PTPRT: variants seen among roughly 807,000 people sequenced by gnomAD.
The protein encoded by PTPRT is receptor-type tyrosine-protein phosphatase T.
A neutral mutation model predicts 176.8 loss-of-function variants in PTPRT; 56 were observed. The observed-to-expected ratio is 0.32, with a 90% CI of 0.26 to 0.40. PTPRT has a LOEUF of 0.40. Ranked by LOEUF, PTPRT falls within the 10% of genes least tolerant of loss-of-function variation. PTPRT has a pLI of 1.00. For missense variants in PTPRT, 1,540 were observed against 1,908.2 expected, an observed-to-expected ratio of 0.81 and a Z score of 3.60; for synonymous variants, 783 against 739.0, an observed-to-expected ratio of 1.06 and a Z score of -0.96.
At chr20:42,813,098 TTTGTA>T (rs2077724764) in intron 2 of PTPRT, among the ~76,000 whole-genome samples, 1 of 152,202 alleles carries the variant, frequency 6.6e-6, no homozygotes, top group Non-Finnish European at 1.5e-5. Context: ...CTATTTTGTT[TTTGTA>T]TTGTTTCACT....
At position 42,104,735 on chromosome 20, in the gene PTPRT, G is replaced by C. The variant is rs536644840; in HGVS notation, c.3391-17C>G. 1.3e-5 allele frequency: 20 copies of C among 1,555,108 alleles called. No homozygotes were observed. Among genetic ancestry groups the C allele is most frequent in the Non-Finnish European group, 1.8e-5 (20 of 1,126,620 alleles). ...ATATTGCTCCTGCAAAGTCAGAAGA[G>C]AGGGAATGGGGTGCCAGGTAAGAAC... On this transcript the variant is annotated splice_polypyrimidine_tract_variant and intron_variant, in intron 24 of 30. Coordinates refer to ENST00000373187, the MANE Select transcript of PTPRT (RefSeq NM_007050.6).
intron 2 of PTPRT, among the ~76,000 whole-genome samples, chr20:42,831,343 G>A (rs1225007361): frequency 6.6e-6 from 1 of 152,032 alleles, no homozygotes; most frequent in African/African-American, 2.4e-5. Context: ...GATTGAAACT[G>A]GACCATTTCC....
intron 6 of PTPRT, among the ~76,000 whole-genome samples, chr20:42,705,623 G>A (rs2076042296): frequency 6.6e-6 from 1 of 152,120 alleles, no homozygotes; most frequent in African/African-American, 2.4e-5. Flanking sequence ...CTGTGAAAGT[G>A]CAGCTTTGGT....
rs1428138500 is a variant in PTPRT at position 42,547,408 on chromosome 20, A to AT, written c.1154-74847_1154-74846insA. Among the ~76,000 whole-genome samples, 11 of 151,550 alleles carry AT rather than the reference A, an allele frequency of 7.3e-5. No individual in the cohort carries two copies. The East Asian group carries it at 7.8e-4, about 11-fold the overall frequency. On this transcript the variant is annotated intron_variant, in intron 7 of 30. Coordinates refer to ENST00000373187, the MANE Select transcript of PTPRT (RefSeq NM_007050.6). Reference sequence around the variant, plus strand: ...TAGAAACACTGTAAAATGAAAAAAAAATATATTATTTAGAGACTTTATAGT... The same window carrying AT: ...TAGAAACACTGTAAAATGAAAAAAAATATATATTATTTAGAGACTTTATAGT...
intron 1 of PTPRT, among the ~76,000 whole-genome samples, chr20:42,889,392 T>TA (rs947783227): frequency 6.6e-6 from 1 of 152,236 alleles, no homozygotes; most frequent in Non-Finnish European, 1.5e-5. Flanking sequence ...AGAACTCACT[T>TA]AGAGTGAATT....
chr20:42,322,903 A>G (rs1306524214), intron 11 of PTPRT, among the ~76,000 whole-genome samples: 1 of 152,090 alleles, frequency 6.6e-6, no homozygotes, highest in East Asian at 1.9e-4. Context: ...GAACTCAAAC[A>G]AATTTACAAG....
chr20:42,289,902 C>G (rs1191641795), intron 12 of PTPRT, among the ~76,000 whole-genome samples: 1 of 152,006 alleles, frequency 6.6e-6, no homozygotes, highest in South Asian at 2.1e-4. Flanking sequence ...GATGCCAAAA[C>G]GTTTGTTTTC....
At chr20:42,444,029 C>T (rs2059341580) in intron 9 of PTPRT, among the ~76,000 whole-genome samples, 1 of 152,094 alleles carries the variant, frequency 6.6e-6, no homozygotes. Context: ...GTGTAGAACC[C>T]TCCTAGGGCT....
rs371094288 is a variant in PTPRT at position 42,204,418 on chromosome 20, G to A, written c.2343-5030C>T. Among the ~76,000 whole-genome samples the A allele has an allele frequency of 1.1e-4, 17 of 152,218 alleles. 1 individual carries two copies. The highest frequency in any genetic ancestry group is 7.2e-4 in the Admixed American group (11 of 15,298). ...CTTTCTGAACTGAGGATTTTTTTCT[G>A]TAGTTGCTTTGAGATTTTTGCCAAC... On this transcript the variant is annotated intron_variant, in intron 15 of 30. Transcript: ENST00000373187.
intron 17 of PTPRT, among the ~76,000 whole-genome samples, chr20:42,152,019 G>C (rs1989156107): frequency 6.6e-6 from 1 of 152,218 alleles, no homozygotes; most frequent in African/African-American, 2.4e-5. Context: ...TCGATGGTCA[G>C]CTTGTGGGTG....
intron 7 of PTPRT, among the ~76,000 whole-genome samples, chr20:42,590,934 G>A (rs1299418033): frequency 6.6e-5 from 7 of 106,870 alleles, no homozygotes; most frequent in Admixed American, 2.5e-4. Context: ...TAGCGTGTGT[G>A]TGTGTGTGTG....
chr20:43,094,391 C>CTTTTT (rs71335878), intron 1 of PTPRT, among the ~76,000 whole-genome samples: 97 of 64,626 alleles, frequency 1.5e-3, no homozygotes, highest in African/African-American at 2.6e-3. Context: ...CGGCCTCTTT[C>CTTTTT]TTTTTTTTTT....
At chr20:42,033,108 A>G in the PTPRT span, among the ~76,000 whole-genome samples, 115 of 152,316 alleles carry the variant, frequency 7.6e-4, no homozygotes, top group Non-Finnish European at 1.3e-3. Context: ...ATAAGTGAAC[A>G]ACTATCAGAT....
intron 1 of PTPRT, among the ~76,000 whole-genome samples, chr20:43,079,193 CCT>C (rs2011369906): frequency 7.2e-6 from 1 of 138,542 alleles, no homozygotes; most frequent in African/African-American, 2.7e-5. Flanking sequence ...CCCCCAGCCC[CCT>C]CTCTCCCTCT....
Position 42,677,912 on chromosome 20 carries a change from A to G in PTPRT, c.1107T>C (p.Gly369=), listed in dbSNP as rs1204563640. 2 of 1,613,476 alleles carry G rather than the reference A, an allele frequency of 1.2e-6. No homozygotes were observed. The highest frequency in any genetic ancestry group is 2.7e-5 in the African/African-American group (2 of 74,726). ...RVLLTRPGEG[G]TGPPGPPLTT... is the part of the protein sequence containing the mutation. ...TGAGGGGAGGCCCTGGCGGTCCCGT[A>G]CCCCCCTCACCTGGTCGTGTGAGGA... The change falls in exon 7 of 31, where the codon GGT becomes GGC. Residue 369 remains glycine (G), a synonymous_variant. Transcript: ENST00000373187.
At chr20:43,173,914 C>A (rs554267919) in intron 1 of PTPRT, among the ~76,000 whole-genome samples, 14 of 152,316 alleles carry the variant, frequency 9.2e-5, no homozygotes, top group Admixed American at 5.2e-4. Context: ...AGAACCTGGA[C>A]TCTGAATGAG....
At chr20:42,932,445 G>T (rs748292317) in intron 1 of PTPRT, among the ~76,000 whole-genome samples, 2 of 152,226 alleles carry the variant, frequency 1.3e-5, no homozygotes, top group East Asian at 3.9e-4. Flanking sequence ...CAGCCCAGAA[G>T]AAGAGCTCCA....
chr20:42,126,845 G>T (rs1987884331), intron 19 of PTPRT, among the ~76,000 whole-genome samples: 1 of 152,224 alleles, frequency 6.6e-6, no homozygotes, highest in Admixed American at 6.5e-5. Flanking sequence ...TATGCTCAGA[G>T]TGCCTTGCTC....
At chr20:42,550,942 A>G (rs2072759411) in intron 7 of PTPRT, among the ~76,000 whole-genome samples, 1 of 152,160 alleles carries the variant, frequency 6.6e-6, no homozygotes, top group South Asian at 2.1e-4. Context: ...GATACAGGGC[A>G]CAGAATGTGG....
Sources: allele counts gnomAD v4.1 joint callset (sites outside exome capture counted in the v4.1 genomes callset), GRCh38; gene constraint gnomAD v4.1.1; transcripts MANE v1.5; gene names NCBI Gene and HGNC (gene_info 2026-07-23, HGNC 2026-07-21).